GREB1L: variants seen among roughly 807,000 people sequenced by gnomAD.
GREB1L encodes the protein GREB1 like retinoic acid receptor coactivator, also known as GREB1-like protein.
GREB1L carries 17 observed loss-of-function variants against 200.8 expected under a neutral mutation model. That is an observed-to-expected ratio of 0.08 (90% CI 0.06 to 0.13). The LOEUF (loss-of-function observed/expected upper bound fraction) is 0.13. GREB1L is among the 10% of genes least tolerant of loss of function. GREB1L has a pLI of 1.00. For synonymous variants in GREB1L, 789 were observed against 893.0 expected (o/e 0.88, Z 2.08); for missense variants, 1,657 against 2,367.7 (o/e 0.70, Z 6.23).
At chr18:21,376,547 G>T (rs935838766) in intron 2 of GREB1L, among the ~76,000 whole-genome samples, 1 of 151,494 alleles carries the variant, frequency 6.6e-6, no homozygotes, top group South Asian at 2.1e-4. Context: ...GCTCATGCCT[G>T]TAATCCCAGC....
intron 5 of GREB1L, among the ~76,000 whole-genome samples, chr18:21,398,644 G>A (rs1450642415): frequency 2.6e-5 from 4 of 152,046 alleles, no homozygotes; most frequent in Admixed American, 6.5e-5. Context: ...GATGATTTTC[G>A]TATGCATTAA....
At chr18:21,410,347 A>G (rs2030812231) in intron 7 of GREB1L, among the ~76,000 whole-genome samples, 2 of 152,002 alleles carry the variant, frequency 1.3e-5, no homozygotes, top group Admixed American at 6.6e-5. Flanking sequence ...TATAAAGGTG[A>G]ATATATTATT....
chr18:21,427,347 T>C (rs1337818460), intron 7 of GREB1L, among the ~76,000 whole-genome samples: 1 of 151,356 alleles, frequency 6.6e-6, no homozygotes, highest in Non-Finnish European at 1.5e-5. Flanking sequence ...CTACAAGAAA[T>C]ACAAAAAATT....
At chr18:21,251,570 T>A (rs771649237) in intron 1 of GREB1L, among the ~76,000 whole-genome samples, 1 of 152,190 alleles carries the variant, frequency 6.6e-6, no homozygotes, top group Non-Finnish European at 1.5e-5. Context: ...TTTAAAAACA[T>A]TTTTGTAAAG....
chr18:21,515,755 C>T (rs1296509488), intron 29 of GREB1L, 111 bp downstream of exon 29: 2 of 795,194 alleles, frequency 2.5e-6, no homozygotes, highest in Non-Finnish European at 4.0e-6. Flanking sequence ...GAAGCTGACT[C>T]TTTATGTGGG....
chr18:21,380,975 G>T (rs1440928655), intron 2 of GREB1L, among the ~76,000 whole-genome samples: 1 of 152,140 alleles, frequency 6.6e-6, no homozygotes, highest in African/African-American at 2.4e-5. Flanking sequence ...GGGCGCGGTG[G>T]CTCACACCTG....
chr18:21,507,278 T>A (rs964639906), intron 25 of GREB1L, among the ~76,000 whole-genome samples: 1 of 152,232 alleles, frequency 6.6e-6, no homozygotes, highest in African/African-American at 2.4e-5. Flanking sequence ...TCATAAAGTT[T>A]CTGTGTGACT....
chr18:21,363,299 C>A (rs4800211), intron 1 of GREB1L, among the ~76,000 whole-genome samples: 1,218 of 105,546 alleles, frequency 0.012, 90 homozygotes, highest in African/African-American at 0.026. Flanking sequence ...CCCCCCCCCC[C>A]CACACACACA....
intron 1 of GREB1L, among the ~76,000 whole-genome samples, chr18:21,301,470 T>G (rs1459003392): frequency 2.6e-5 from 4 of 152,232 alleles, no homozygotes; most frequent in African/African-American, 7.2e-5. Context: ...TCATGAATAC[T>G]GTGCTCACAA....
chr18:21,291,399 C>G (rs565391993), intron 1 of GREB1L, among the ~76,000 whole-genome samples: 2 of 152,340 alleles, frequency 1.3e-5, no homozygotes, highest in African/African-American at 4.8e-5. Context: ...ATCCACTCTT[C>G]ATGTTAGAGA....
At chr18:21,275,588 G>A (rs1304468766) in intron 1 of GREB1L, among the ~76,000 whole-genome samples, 1 of 152,048 alleles carries the variant, frequency 6.6e-6, no homozygotes, top group Admixed American at 6.6e-5. Context: ...GGGAGGCAGA[G>A]GTTGCAGTGA....
intron 1 of GREB1L, among the ~76,000 whole-genome samples, chr18:21,296,643 C>CT (rs1205493468): frequency 1.3e-5 from 2 of 151,562 alleles, no homozygotes; most frequent in African/African-American, 2.4e-5. Flanking sequence ...AATCATTCAG[C>CT]TTTTCTTTGT....
chr18:21,500,704 C>A, intron 23 of GREB1L, 62 bp downstream of exon 23: 1 of 1,209,196 alleles, frequency 8.3e-7, no homozygotes, highest in Admixed American at 2.8e-5. Context: ...AATTGCAAAT[C>A]CCGGGAACTT....
intron 5 of GREB1L, among the ~76,000 whole-genome samples, chr18:21,397,133 T>G (rs533879096): frequency 6.6e-6 from 1 of 152,234 alleles, no homozygotes; most frequent in East Asian, 1.9e-4. Context: ...AATTATAGCT[T>G]AAAGACTTTT....
intron 27 of GREB1L, among the ~76,000 whole-genome samples, chr18:21,512,560 T>C (rs1413796907): frequency 1.3e-5 from 2 of 152,168 alleles, no homozygotes; most frequent in East Asian, 3.8e-4. Context: ...TAAAGGGGAT[T>C]TTTGGTGGAA....
rs201922064 is a variant in GREB1L at position 21,294,876 on chromosome 18, A to G, written c.-120+52483A>G. On this transcript the variant is annotated intron_variant, in intron 1 of 32. Coordinates refer to ENST00000424526, the MANE Select transcript of GREB1L (RefSeq NM_001142966.3). Reference sequence around the variant, plus strand: ...ATTTGAATCCAGGCCTGTTTGACTTAGAGATCAATCTCTTCACAATATGTC... The same window carrying G: ...ATTTGAATCCAGGCCTGTTTGACTTGGAGATCAATCTCTTCACAATATGTC... 2.0e-5 allele frequency among the ~76,000 whole-genome samples: 3 copies of G among 152,186 alleles called. No homozygotes were observed. In the East Asian group the frequency reaches 5.8e-4, roughly 29 times the overall value.
chr18:21,473,582 AAAAAAGAAAG>A (rs1413217376), intron 16 of GREB1L, among the ~76,000 whole-genome samples: 1 of 147,616 alleles, frequency 6.8e-6, no homozygotes, highest in African/African-American at 2.6e-5. Context: ...AAAAAAAAAA[AAAAAAGAAAG>A]AAAAGAAAAT....
chr18:21,303,921 G>C (rs2038658802), intron 1 of GREB1L, among the ~76,000 whole-genome samples: 1 of 152,206 alleles, frequency 6.6e-6, no homozygotes, highest in Admixed American at 6.5e-5. Flanking sequence ...AGCTGACACT[G>C]TGTTGGGGAA....
chr18:21,325,748 G>A (rs1410344498), intron 1 of GREB1L, among the ~76,000 whole-genome samples: 2 of 149,420 alleles, frequency 1.3e-5, no homozygotes, highest in African/African-American at 2.5e-5. Context: ...TAGAGGTTGA[G>A]GCTGCAGTGA....
Sources: gnomAD v4.1 joint callset for allele counts (sites outside exome capture counted in the v4.1 genomes callset) on GRCh38, gnomAD v4.1.1 for gene constraint, MANE v1.5 for transcripts, NCBI Gene and HGNC (gene_info 2026-07-23, HGNC 2026-07-21) for gene names.